KDM5A: variants seen among roughly 807,000 people sequenced by gnomAD.
KDM5A encodes lysine-specific demethylase 5A.
KDM5A carries 42 observed loss-of-function variants against 193.5 expected under a neutral mutation model. That is an observed-to-expected ratio of 0.22 (90% CI 0.17 to 0.28). The LOEUF (loss-of-function observed/expected upper bound fraction) is 0.28. Ranked by LOEUF, KDM5A falls within the 10% of genes least tolerant of loss-of-function variation. KDM5A has a pLI of 1.00. For synonymous variants in KDM5A, 796 were observed against 718.1 expected (o/e 1.11, Z -1.73); for missense variants, 1,692 against 2,055.1 (o/e 0.82, Z 3.42).
chr12:286,652 T>C (rs1256137786), intron 27 of KDM5A, among the ~76,000 whole-genome samples: 2 of 152,188 alleles, frequency 1.3e-5, no homozygotes, highest in East Asian at 1.9e-4. Flanking sequence ...GAAGTACCTC[T>C]ATACAACTTA....
rs192805944 is a variant in KDM5A, at chr12:334,187, A to G, written c.1490+54T>C. The stretch of plus-strand genomic sequence containing the variant: ...TAAAGATCAAAAACCTAGCATCATT[A>G]ATCCACTAGACTTTAGTAGAGTTCA... On this transcript the variant is annotated intron_variant, in intron 11 of 27. Transcript: ENST00000399788. The G allele has an allele frequency of 2.7e-6, 4 of 1,462,644 alleles. No homozygotes were observed. The East Asian group carries it at 9.1e-5, about 33-fold the overall frequency. 90.6% of individuals were successfully genotyped at this position (1,462,644 alleles called of 1,614,324 possible). A position where few individuals can be genotyped will look rare whatever the true frequency, so the allele number is the denominator to read the frequency against.
rs373122240 is a variant in KDM5A at position 382,648 on chromosome 12, C to T, written c.366+1383G>A. Among the ~76,000 whole-genome samples the T allele has an allele frequency of 5.9e-5, 9 of 152,164 alleles. No homozygotes were observed. The South Asian group carries it at 8.3e-4, about 14-fold the overall frequency. ...TTGTAGTAACAAAACATATTTTAGC[C>T]GGGCGCGGTGGCTCACGCCTGTAAT... On this transcript the variant is annotated intron_variant, in intron 3 of 27. Coordinates refer to ENST00000399788, the MANE Select transcript of KDM5A (RefSeq NM_001042603.3).
In KDM5A at chr12:365,971, T is replaced by C; in HGVS notation, c.500A>G (p.Tyr167Cys). The C allele has an allele frequency of 6.2e-7, 1 of 1,614,016 alleles. No homozygotes were observed. Among genetic ancestry groups the C allele is most frequent in the Non-Finnish European group, 8.5e-7 (1 of 1,179,902 alleles). ...LLKSHYERIL[Y>C]PYELFQSGVS... ...ACCAGACTGGAAAAGCTCATATGGGTAGAGAATTCTTTCATAATGTGACTT... is the reference window on the plus strand; with the variant it reads ...ACCAGACTGGAAAAGCTCATATGGGCAGAGAATTCTTTCATAATGTGACTT... Residue 167 changes from tyrosine (Y) to cysteine (C), a missense_variant, in exon 4 of 28, where the codon TAC becomes TGC. Physicochemically the swap from Tyr to Cys is radical, Grantham distance 194. Around this residue, in one of 11 missense-constraint regions of KDM5A, gnomAD observed 120 missense variants for 172.0 expected, o/e 0.70. Transcript: ENST00000399788.
chr12:385,533 C>T (rs1452459077), intron 2 of KDM5A, among the ~76,000 whole-genome samples: 2 of 152,058 alleles, frequency 1.3e-5, no homozygotes, highest in Non-Finnish European at 2.9e-5. Flanking sequence ...ACAAAACAAA[C>T]TCTGAAAACT....
intron 12 of KDM5A, 95 bp downstream of exon 12, chr12:333,392 C>T: frequency 1.4e-6 from 2 of 1,392,154 alleles, no homozygotes; most frequent in Non-Finnish European, 1.0e-6. Context: ...GCACTCCAGC[C>T]TGGGCAACAG....
Position 333,579 on chromosome 12 carries a change from G to A in KDM5A, c.1561C>T (p.Leu521=), listed in dbSNP as rs2137425008. ...TGGGATTCAAATAACTCGGGGGCCA[G>A]CTCTCTCATCACCTCCTCCAGTTGC... The part of the protein sequence containing the change: ...AEQLEEVMRE[L]APELFESQPD... Residue 521 remains leucine (L), a synonymous_variant, in exon 12 of 28, where the codon CTG becomes TTG. Coordinates refer to ENST00000399788, the MANE Select transcript of KDM5A (RefSeq NM_001042603.3). The A allele has an allele frequency of 6.2e-7, 1 of 1,614,080 alleles. No homozygotes were observed. Among genetic ancestry groups the A allele is most frequent in the Non-Finnish European group, 8.5e-7 (1 of 1,179,958 alleles).
At chr12:328,293 T>C (rs182611168) in intron 14 of KDM5A, among the ~76,000 whole-genome samples, 1 of 152,282 alleles carries the variant, frequency 6.6e-6, no homozygotes. Flanking sequence ...CTAATGAAGC[T>C]AGCTAGCTAT....
intron 15 of KDM5A, 41 bp downstream of exon 15, chr12:323,559 A>T (rs2137411387): frequency 6.4e-7 from 1 of 1,568,620 alleles, no homozygotes; most frequent in Non-Finnish European, 8.8e-7. Flanking sequence ...ACTTGGTTTT[A>T]AAAAAAGGTA....
intron 14 of KDM5A, among the ~76,000 whole-genome samples, chr12:328,164 CAT>C (rs1943816154): frequency 2.6e-5 from 4 of 152,150 alleles, no homozygotes; most frequent in Admixed American, 6.5e-5. Context: ...ACATTAAACA[CAT>C]GTAGTTTATT....
chr12:372,827 T>G (rs751578198), intron 3 of KDM5A, among the ~76,000 whole-genome samples: 59 of 152,222 alleles, frequency 3.9e-4, no homozygotes, highest in Non-Finnish European at 7.9e-4. Context: ...GTCAAAGGCC[T>G]TTTCTGCATC....
chr12:308,976 C>A (rs1010344573), intron 22 of KDM5A, among the ~76,000 whole-genome samples: 2 of 152,090 alleles, frequency 1.3e-5, no homozygotes, highest in Admixed American at 6.6e-5. Flanking sequence ...GGTATAATTC[C>A]TTTGAAAAAC....
intron 3 of KDM5A, among the ~76,000 whole-genome samples, chr12:374,407 T>A (rs866059589): frequency 2.6e-5 from 4 of 152,194 alleles, no homozygotes; most frequent in Non-Finnish European, 5.9e-5. Flanking sequence ...CCCTGCCTTT[T>A]TTGTTTTCCA....
chr12:380,502 G>A (rs1359261845), intron 3 of KDM5A, among the ~76,000 whole-genome samples: 1 of 152,108 alleles, frequency 6.6e-6, no homozygotes, highest in African/African-American at 2.4e-5. Flanking sequence ...GATCATTTCA[G>A]GTCAGGAGTT....
intron 3 of KDM5A, among the ~76,000 whole-genome samples, chr12:382,268 C>T (rs1050887074): frequency 1.3e-5 from 2 of 151,996 alleles, no homozygotes; most frequent in African/African-American, 2.4e-5. Context: ...CCTGTCTCTA[C>T]TAACAATACA....
intron 10 of KDM5A, among the ~76,000 whole-genome samples, chr12:350,082 C>T (rs1443292550): frequency 6.6e-6 from 1 of 151,076 alleles, no homozygotes; most frequent in African/African-American, 2.4e-5. Flanking sequence ...GAGCCAAGAT[C>T]GTGCCACTAC....
intron 1 of KDM5A, 129 bp downstream of exon 1, chr12:388,798 A>T: frequency 8.4e-7 from 1 of 1,190,334 alleles, no homozygotes; most frequent in Non-Finnish European, 1.2e-6. Context: ...AACATCCAGA[A>T]ACAGGCTCCA....
At chr12:305,991 T>TTTTG (rs1943502168) in intron 24 of KDM5A, among the ~76,000 whole-genome samples, 2 of 147,882 alleles carry the variant, frequency 1.4e-5, no homozygotes, top group African/African-American at 5.1e-5. Flanking sequence ...TTTTTTTTTT[T>TTTTG]GAGACAAGGT....
At chr12:328,314 T>C (rs1202032785) in intron 14 of KDM5A, among the ~76,000 whole-genome samples, 4 of 152,178 alleles carry the variant, frequency 2.6e-5, no homozygotes, top group Non-Finnish European at 5.9e-5. Flanking sequence ...GTAGGAAATA[T>C]TAGAACAGGC....
intron 14 of KDM5A, among the ~76,000 whole-genome samples, chr12:326,954 G>T (rs75253881): frequency 6.6e-6 from 1 of 150,704 alleles, no homozygotes; most frequent in Non-Finnish European, 1.5e-5. Flanking sequence ...ACTTTCAAAA[G>T]TATGATGGGA....
Sources: gnomAD v4.1 joint callset for allele counts (sites outside exome capture counted in the v4.1 genomes callset) on GRCh38, gnomAD v4.1.1 for gene constraint, gnomAD v4.1.1 regional missense constraint, MANE v1.5 for transcripts, NCBI Gene and HGNC (gene_info 2026-07-23, HGNC 2026-07-21) for gene names.